Variants in GLRA3 observed in about 807,000 individuals in gnomAD.
GLRA3 encodes glycine receptor subunit alpha-3.
In GLRA3, 44 loss-of-function variants were observed where a neutral mutation model predicts 60.4. That is an observed-to-expected ratio of 0.73 (90% CI 0.57 to 0.94). GLRA3 has a LOEUF of 0.94. Ranked by LOEUF, GLRA3 falls within the 40% of genes least tolerant of loss-of-function variation. The pLI, the probability that GLRA3 is intolerant of heterozygous loss-of-function variation, is 0.00. For missense variants in GLRA3, 508 were observed against 564.6 expected (o/e 0.90, Z 1.02); for synonymous variants, 223 against 192.9 (o/e 1.16, Z -1.29).
At chr4:174,707,522 G>T (rs951504541) in intron 5 of GLRA3, among the ~76,000 whole-genome samples, 1 of 151,872 alleles carries the variant, frequency 6.6e-6, no homozygotes, top group Non-Finnish European at 1.5e-5. Context: ...GCACTGTCAC[G>T]GGGGGGAAGC....
At chr4:174,778,529 G>A (rs1325990555) in intron 2 of GLRA3, among the ~76,000 whole-genome samples, 2 of 152,140 alleles carry the variant, frequency 1.3e-5, no homozygotes, top group Non-Finnish European at 2.9e-5. Flanking sequence ...GACCGATGCA[G>A]AAGACGGGTG....
intron 4 of GLRA3, among the ~76,000 whole-genome samples, chr4:174,718,708 A>G (rs1736016918): frequency 6.6e-6 from 1 of 152,188 alleles, no homozygotes; most frequent in Non-Finnish European, 1.5e-5. Flanking sequence ...GTTTTAATCT[A>G]TATTATCTGT....
chr4:174,645,324 A>C (rs1193416586), intron 9 of GLRA3, among the ~76,000 whole-genome samples: 1 of 151,334 alleles, frequency 6.6e-6, no homozygotes, highest in African/African-American at 2.4e-5. Context: ...AGGCAGGAGA[A>C]TCGCTTGATC....
intron 4 of GLRA3, among the ~76,000 whole-genome samples, chr4:174,727,531 G>T (rs921497882): frequency 6.6e-6 from 1 of 152,140 alleles, no homozygotes; most frequent in African/African-American, 2.4e-5. Context: ...TAAGAGACAT[G>T]ACATGAATTC....
intron 7 of GLRA3, among the ~76,000 whole-genome samples, chr4:174,674,046 C>G (rs1734010372): frequency 6.6e-6 from 1 of 152,170 alleles, no homozygotes; most frequent in African/African-American, 2.4e-5. Flanking sequence ...TGCTACCAAT[C>G]TTGCCAGATC....
Position 174,666,763 on chromosome 4 carries a change from A to T in GLRA3, c.928-7566T>A, listed in dbSNP as rs1015107457. ...GAATATATATATATATATATATTAT[A>T]TATATATATATATATATAATTGGAT... On this transcript the variant is annotated intron_variant, in intron 7 of 9. Coordinates refer to ENST00000274093, the MANE Select transcript of GLRA3 (RefSeq NM_006529.4). Among the ~76,000 whole-genome samples the T allele has an allele frequency of 2.5e-4, 28 of 110,762 alleles. No individual in the cohort carries two copies. In the East Asian group the frequency reaches 2.7e-3, roughly 11 times the overall value. 72.7% of individuals were successfully genotyped at this position (110,762 alleles called of 152,430 possible).
At chr4:174,755,560 T>C (rs1181935570) in intron 3 of GLRA3, among the ~76,000 whole-genome samples, 9 of 152,252 alleles carry the variant, frequency 5.9e-5, no homozygotes, top group Non-Finnish European at 1.2e-4. Flanking sequence ...ATTAAATTGT[T>C]TTCAGTGAAG....
chr4:174,686,165 G>A (rs926532498), intron 5 of GLRA3, among the ~76,000 whole-genome samples: 4 of 152,162 alleles, frequency 2.6e-5, no homozygotes, highest in African/African-American at 4.8e-5. Flanking sequence ...ATGGTTGGGG[G>A]CAATTCCTTT....
At chr4:174,800,038 A>G (rs1739745373) in intron 1 of GLRA3, among the ~76,000 whole-genome samples, 1 of 152,116 alleles carries the variant, frequency 6.6e-6, no homozygotes, top group Non-Finnish European at 1.5e-5. Flanking sequence ...TAATAACTAA[A>G]TGGCAATTCC....
intron 1 of GLRA3, among the ~76,000 whole-genome samples, chr4:174,804,473 A>T (rs1379563760): frequency 6.6e-6 from 1 of 152,114 alleles, no homozygotes. Flanking sequence ...GGTAATTTTA[A>T]TAGCAGTAGG....
At chr4:174,682,466 G>A (rs1225622184) in intron 6 of GLRA3, among the ~76,000 whole-genome samples, 1 of 152,050 alleles carries the variant, frequency 6.6e-6, no homozygotes, top group Non-Finnish European at 1.5e-5. Flanking sequence ...CAGATACAGT[G>A]TTTACTGCCC....
At chr4:174,783,203 A>C (rs1738964552) in intron 2 of GLRA3, among the ~76,000 whole-genome samples, 1 of 151,422 alleles carries the variant, frequency 6.6e-6, no homozygotes, top group African/African-American at 2.4e-5. Context: ...AACCTGAGAA[A>C]AACAAACAAT....
At chr4:174,779,227 A>C (rs1738762562) in intron 2 of GLRA3, among the ~76,000 whole-genome samples, 2 of 152,188 alleles carry the variant, frequency 1.3e-5, no homozygotes, top group Admixed American at 1.3e-4. Flanking sequence ...ACGGCAGGGT[A>C]CTCCAACAGA....
At chr4:174,759,157 A>C (rs1176330475) in intron 3 of GLRA3, among the ~76,000 whole-genome samples, 1 of 152,114 alleles carries the variant, frequency 6.6e-6, no homozygotes. Flanking sequence ...TCAAGACAAG[A>C]AAAAGTGGCA....
chr4:174,816,809 C>T (rs1037696748), intron 1 of GLRA3, among the ~76,000 whole-genome samples: 1 of 151,822 alleles, frequency 6.6e-6, no homozygotes, highest in African/African-American at 2.4e-5. Flanking sequence ...TTCCCAAATT[C>T]TTGGCATGCT....
intron 4 of GLRA3, among the ~76,000 whole-genome samples, chr4:174,721,005 CTTTG>C (rs1561076801): frequency 1.0e-5 from 1 of 100,086 alleles, no homozygotes; most frequent in Non-Finnish European, 2.1e-5. Flanking sequence ...ACTGTGTGAA[CTTTG>C]TGTGTGTGTG....
At chr4:174,774,780 G>A (rs140921467) in intron 2 of GLRA3, among the ~76,000 whole-genome samples, 3 of 152,270 alleles carry the variant, frequency 2.0e-5, no homozygotes, top group South Asian at 2.1e-4. Flanking sequence ...AATTATCAGA[G>A]AGTGGATGAA....
At chr4:174,756,268 A>G (rs1387022853) in intron 3 of GLRA3, among the ~76,000 whole-genome samples, 1 of 152,222 alleles carries the variant, frequency 6.6e-6, no homozygotes, top group Non-Finnish European at 1.5e-5. Flanking sequence ...AAACCAGCAT[A>G]ATACTGATAC....
At chr4:174,657,518 A>G (rs1396643308) in intron 8 of GLRA3, among the ~76,000 whole-genome samples, 3 of 152,168 alleles carry the variant, frequency 2.0e-5, no homozygotes, top group Non-Finnish European at 4.4e-5. Flanking sequence ...TGATACTAGA[A>G]GGGAAAGTGG....
Sources: gnomAD v4.1 joint callset for allele counts (sites outside exome capture counted in the v4.1 genomes callset) on GRCh38, gnomAD v4.1.1 for gene constraint, MANE v1.5 for transcripts, NCBI Gene and HGNC (gene_info 2026-07-23, HGNC 2026-07-21) for gene names.